CDH6: variants seen among roughly 807,000 people sequenced by gnomAD.
CDH6 encodes cadherin 6, also known as cadherin-6.
A neutral mutation model predicts 78.0 loss-of-function variants in CDH6; 31 were observed. The observed-to-expected ratio is 0.40, with a 90% CI of 0.30 to 0.54. The LOEUF (loss-of-function observed/expected upper bound fraction) is 0.54, where lower values mean the gene tolerates loss of function less well. CDH6 is among the 20% of genes least tolerant of loss of function. The pLI is 0.56. For synonymous variants in CDH6, 376 were observed against 368.8 expected, an observed-to-expected ratio of 1.02 and a Z score of -0.23; for missense variants, 724 against 975.9, an observed-to-expected ratio of 0.74 and a Z score of 3.44.
rs1350011813 is a variant in CDH6 at position 31,323,068 on chromosome 5, T to C, written c.2133T>C (p.Asp711=). 1 of 1,614,058 alleles carries C rather than the reference T, an allele frequency of 6.2e-7. No individual in the cohort carries two copies. Among genetic ancestry groups the C allele is most frequent in the African/African-American group, 1.3e-5 (1 of 74,898 alleles). ...CTCCAACAGCTCGCGACAACACCGA[T>C]GTCAGAGATTTCATTAACCAAAGGT... ...RRTPTARDNT[D]VRDFINQRLK... The change falls in exon 12 of 12, where the codon GAT becomes GAC. Residue 711 remains aspartate (D), a synonymous_variant. Coordinates refer to ENST00000265071, the MANE Select transcript of CDH6 (RefSeq NM_004932.4).
intron 5 of CDH6, 33 bp from the exon 6 acceptor site, chr5:31,302,078 A>C (rs915286019): frequency 2.0e-6 from 3 of 1,482,008 alleles, no homozygotes; most frequent in South Asian, 2.5e-5. Flanking sequence ...TGGTTAGTCT[A>C]TGTTTGACTT....
In CDH6 at chr5:31,267,622, G is replaced by A. The variant is rs773139830; in HGVS notation, c.149G>A (p.Arg50His). Residue 50 changes from arginine to histidine, a missense_variant, in exon 2 of 12, where the codon CGT becomes CAT. By Grantham distance (29) the Arg-to-His change is conservative. Around this residue, in one of 3 missense-constraint regions of CDH6, gnomAD observed 446 missense variants for 684.5 expected, o/e 0.65. Coordinates refer to ENST00000265071, the MANE Select transcript of CDH6 (RefSeq NM_004932.4). ...LSGNSKNELN[R>H]SKRSWMWNQF... is the part of the protein sequence containing the mutation. The stretch of plus-strand genomic sequence containing the variant: ...GGAAACAGCAAAAATGAGCTGAACC[G>A]TTCAAAAAGGAGCTGGATGTGGAAT... 1.2e-6 allele frequency: 2 copies of A among 1,613,974 alleles called. No homozygotes were observed. Among genetic ancestry groups the A allele is most frequent in the Non-Finnish European group, 1.7e-6 (2 of 1,180,020 alleles).
chr5:31,270,940 C>T (rs76858652), intron 2 of CDH6, among the ~76,000 whole-genome samples: 3,742 of 152,188 alleles, frequency 0.025, 164 homozygotes, highest in African/African-American at 0.086. Flanking sequence ...CTGGGAACCA[C>T]TAGAATAGTT....
intron 1 of CDH6, among the ~76,000 whole-genome samples, chr5:31,199,454 A>G (rs369534871): frequency 4.3e-5 from 1 of 22,998 alleles, no homozygotes; most frequent in Admixed American, 4.8e-4. Flanking sequence ...ACACACACAT[A>G]TGTGTATATA....
chr5:31,308,101 A>C (rs1738039501), intron 7 of CDH6, among the ~76,000 whole-genome samples: 1 of 152,152 alleles, frequency 6.6e-6, no homozygotes. Flanking sequence ...ATAATTTTTG[A>C]TTATTCAAGA....
intron 1 of CDH6, among the ~76,000 whole-genome samples, chr5:31,231,848 C>T (rs982693327): frequency 3.3e-5 from 5 of 152,218 alleles, no homozygotes; most frequent in African/African-American, 1.2e-4. Context: ...TCCTCTGTAG[C>T]TCAGCCTCTA....
At chr5:31,270,403 C>G (rs552354656) in intron 2 of CDH6, among the ~76,000 whole-genome samples, 143 of 152,234 alleles carry the variant, frequency 9.4e-4, no homozygotes, top group African/African-American at 3.2e-3. Flanking sequence ...AATTATTTCA[C>G]TCTTAACCAC....
intron 1 of CDH6, among the ~76,000 whole-genome samples, chr5:31,260,499 C>G (rs993853563): frequency 6.6e-6 from 1 of 152,166 alleles, no homozygotes; most frequent in Non-Finnish European, 1.5e-5. Context: ...CCAAGTATTT[C>G]ACTTCAGCCC....
chr5:31,300,966 A>G (rs1453168070), intron 5 of CDH6, among the ~76,000 whole-genome samples: 2 of 152,152 alleles, frequency 1.3e-5, no homozygotes, highest in Non-Finnish European at 2.9e-5. Flanking sequence ...ACAACAAGTA[A>G]AAAGAAATTA....
At chr5:31,219,395 G>A (rs185758264) in intron 1 of CDH6, among the ~76,000 whole-genome samples, 1 of 152,192 alleles carries the variant, frequency 6.6e-6, no homozygotes, top group Non-Finnish European at 1.5e-5. Flanking sequence ...TTTTTCTGGA[G>A]CACCCTGGCT....
At chr5:31,308,704 G>C (rs1738063805) in intron 7 of CDH6, among the ~76,000 whole-genome samples, 1 of 152,018 alleles carries the variant, frequency 6.6e-6, no homozygotes, top group Admixed American at 6.6e-5. Context: ...TTCCTAAATA[G>C]TTACTATCTC....
At chr5:31,258,638 TA>T (rs948856681) in intron 1 of CDH6, among the ~76,000 whole-genome samples, 19 of 148,622 alleles carry the variant, frequency 1.3e-4, no homozygotes, top group East Asian at 2.0e-4. Flanking sequence ...AAGTATAATT[TA>T]AAAAAAAAAG....
In CDH6 at chr5:31,326,472, CA is replaced by C. The variant is rs1041546019; in HGVS notation, c.*3166del. On this transcript the variant is annotated 3_prime_UTR_variant, in exon 12 of 12. Transcript: ENST00000265071. ...AAGCAAAGATTATTCCATAGAACCA[CA>C]AGAGAGGGAATGTGGGCACAGTAAA... 12 of 199,652 alleles carry C rather than the reference CA, an allele frequency of 6.0e-5. No individual in the cohort carries two copies. The Admixed American group carries it at 6.0e-4, about 10-fold the overall frequency. 12.4% of individuals were successfully genotyped at this position (199,652 alleles called of 1,614,324 possible). A position where few individuals can be genotyped will look rare whatever the true frequency, so the allele number is the denominator to read the frequency against.
At chr5:31,216,683 C>CAA (rs70953498) in intron 1 of CDH6, among the ~76,000 whole-genome samples, 20,083 of 132,484 alleles carry the variant, frequency 0.15, 1,983 homozygotes, top group South Asian at 0.26. Context: ...GCCCTGCCAC[C>CAA]AAAAAAAAAA....
At chr5:31,223,450 T>C (rs1741056725) in intron 1 of CDH6, among the ~76,000 whole-genome samples, 1 of 152,244 alleles carries the variant, frequency 6.6e-6, no homozygotes, top group Admixed American at 6.5e-5. Flanking sequence ...GGAAACATAC[T>C]TGTGCTCTCT....
rs1453346515 is a variant in CDH6 at position 31,322,820 on chromosome 5, A to C, written c.1885A>C (p.Thr629Pro). The C allele has an allele frequency of 6.9e-6, 11 of 1,603,230 alleles. No individual in the cohort carries two copies. The highest frequency in any genetic ancestry group is 9.4e-6 in the Non-Finnish European group (11 of 1,173,332). The part of the protein sequence containing the change: ...ILLCIVILLV[T>P]VVLFAALRRQ... ...TCTGTTTTGTTTTCTGCTTCCAGTG[A>C]CAGTGGTGCTGTTTGCAGCTCTGAG... The change falls in exon 12 of 12, where the codon ACA (threonine) becomes CCA (proline). Residue 629 changes from threonine to proline, a missense_variant and splice_region_variant. By Grantham distance (38) the Thr-to-Pro change is conservative (BLOSUM62 -1). Around this residue, in one of 3 missense-constraint regions of CDH6, gnomAD observed 220 missense variants for 240.6 expected, o/e 0.91. Coordinates refer to ENST00000265071, the MANE Select transcript of CDH6 (RefSeq NM_004932.4).
chr5:31,220,707 G>A (rs1740981824), intron 1 of CDH6, among the ~76,000 whole-genome samples: 1 of 152,168 alleles, frequency 6.6e-6, no homozygotes, highest in East Asian at 1.9e-4. Context: ...TCACTGAGGG[G>A]GCATATTCTC....
chr5:31,197,548 A>G (rs1740203048), intron 1 of CDH6, among the ~76,000 whole-genome samples: 1 of 152,236 alleles, frequency 6.6e-6, no homozygotes, highest in African/African-American at 2.4e-5. Flanking sequence ...AATGTAGACA[A>G]TCAAACTTTC....
rs1737778870 is a variant in CDH6 at position 31,302,025 on chromosome 5, G to T, written c.812-86G>T. The T allele has an allele frequency of 4.8e-6, 4 of 828,744 alleles. No homozygotes were observed. The Admixed American group carries it at 7.9e-5, about 16-fold the overall frequency. The allele number at this position is 828,744 out of a possible 1,614,324, so 51.3% of individuals were successfully genotyped here. A position where few individuals can be genotyped will look rare whatever the true frequency, so the allele number is the denominator to read the frequency against. On this transcript the variant is annotated intron_variant, in intron 5 of 11. Transcript: ENST00000265071. Reference sequence around the variant, plus strand: ...ATCTACCTGATGGTAATGTCTTAAAGAACTGTTAGAGAATAGGTTTTGTTT... The same window carrying T: ...ATCTACCTGATGGTAATGTCTTAAATAACTGTTAGAGAATAGGTTTTGTTT...
Sources: allele counts gnomAD v4.1 joint callset (sites outside exome capture counted in the v4.1 genomes callset), GRCh38; gene constraint gnomAD v4.1.1; regional missense constraint gnomAD v4.1.1; transcripts MANE v1.5; gene names NCBI Gene and HGNC (gene_info 2026-07-23, HGNC 2026-07-21).